PDS5B: variants seen among roughly 807,000 people sequenced by gnomAD.
PDS5B encodes the protein PDS5 cohesin associated factor B.
A neutral mutation model predicts 184.1 loss-of-function variants in PDS5B; 51 were observed. The ratio of observed to expected loss-of-function variants is 0.28; its 90% CI spans 0.22 to 0.35. The LOEUF is 0.35. PDS5B is among the 10% of genes least tolerant of loss of function. The pLI is 1.00. For missense variants in PDS5B, 1,180 were observed against 1,723.3 expected (o/e 0.68, Z 5.58); for synonymous variants, 566 against 569.2 (o/e 0.99, Z 0.08).
chr13:32,674,307 C>T (rs1282210759), intron 8 of PDS5B, among the ~76,000 whole-genome samples: 1 of 152,022 alleles, frequency 6.6e-6, no homozygotes, highest in African/African-American at 2.4e-5. Flanking sequence ...TTTTGATTTT[C>T]TTTCAAAAAC....
At chr13:32,672,671 A>G (rs557732960) in intron 7 of PDS5B, among the ~76,000 whole-genome samples, 7 of 152,278 alleles carry the variant, frequency 4.6e-5, no homozygotes, top group African/African-American at 1.2e-4. Context: ...CTGCTGTCCA[A>G]GGATAGGAGA....
intron 12 of PDS5B, 71 bp downstream of exon 12, chr13:32,687,356 A>G: frequency 8.3e-7 from 1 of 1,198,222 alleles, no homozygotes; most frequent in Non-Finnish European, 1.2e-6. Context: ...TTTTATGCAA[A>G]CTATTTTCTT....
chr13:32,735,094 A>G (rs1455006221), intron 20 of PDS5B, 78 bp from the exon 21 acceptor site: 4 of 841,568 alleles, frequency 4.8e-6, no homozygotes, highest in Non-Finnish European at 6.9e-6. Context: ...TAAATTTTGT[A>G]ATTTGAAAAT....
intron 1 of PDS5B, among the ~76,000 whole-genome samples, chr13:32,624,037 T>A (rs1248164340): frequency 6.6e-6 from 1 of 151,776 alleles, no homozygotes; most frequent in Non-Finnish European, 1.5e-5. Context: ...TTCCTTTTTT[T>A]TAAAAAAAAA....
At chr13:32,639,065 C>G (rs76846343) in intron 1 of PDS5B, among the ~76,000 whole-genome samples, 4 of 122,258 alleles carry the variant, frequency 3.3e-5, no homozygotes, top group South Asian at 3.0e-4. Context: ...AATGGGATAT[C>G]GAGTTGACTA....
intron 21 of PDS5B, among the ~76,000 whole-genome samples, chr13:32,740,229 A>G (rs1244859428): frequency 6.6e-6 from 1 of 152,178 alleles, no homozygotes; most frequent in Admixed American, 6.5e-5. Context: ...AGAAATCTGA[A>G]GTTAATCTTT....
rs182949620 is a variant in PDS5B, at chr13:32,600,587, A to G, written c.-20+13994A>G. Among the ~76,000 whole-genome samples the G allele has an allele frequency of 4.9e-3, 740 of 152,312 alleles. 4 individuals are homozygous for G. Among genetic ancestry groups the G allele is most frequent in the Middle Eastern group, 6.8e-3 (2 of 294 alleles). On this transcript the variant is annotated intron_variant, in intron 1 of 34. Coordinates refer to ENST00000315596, the MANE Select transcript of PDS5B (RefSeq NM_015032.4). ...AAAACCCTGTCTCTACAAAAATACAAAGATGAGCCGGTGTGATGGCAGGCG... is the reference window on the plus strand; with the variant it reads ...AAAACCCTGTCTCTACAAAAATACAGAGATGAGCCGGTGTGATGGCAGGCG...
At position 32,718,173 on chromosome 13, in the gene PDS5B, C is replaced by T. The variant is rs184859602; in HGVS notation, c.2123+8067C>T. ...CTTCTGAATTTTTTTTTTTTTGAGA[C>T]GGAGTCTCGCTCTGTCGCCCAGGCT... On this transcript the variant is annotated intron_variant, in intron 19 of 34. Coordinates refer to ENST00000315596, the MANE Select transcript of PDS5B (RefSeq NM_015032.4). Among the ~76,000 whole-genome samples, 1,258 of 147,474 alleles carry T rather than the reference C, an allele frequency of 8.5e-3. 18 individuals carry two copies. The highest frequency in any genetic ancestry group is 0.029 in the African/African-American group (1,175 of 40,258).
rs139650571 is a variant in PDS5B, at chr13:32,718,779, A to C, written c.2123+8673A>C. On this transcript the variant is annotated intron_variant, in intron 19 of 34. Transcript: ENST00000315596. Reference sequence around the variant, plus strand: ...GCCAAAATGAGTATGTAAAAATCCAAAGTTTTCTGTATATAACCAACAATC... The same window carrying C: ...GCCAAAATGAGTATGTAAAAATCCACAGTTTTCTGTATATAACCAACAATC... 3.4e-4 allele frequency among the ~76,000 whole-genome samples: 52 copies of C among 152,336 alleles called. 1 individual carries two copies. The East Asian group carries it at 9.4e-3, about 28-fold the overall frequency.
rs75297247 is a variant in PDS5B, at chr13:32,777,694, T to C, written c.*2642T>C. The C allele has an allele frequency of 0.047, 7,115 of 152,458 alleles. 470 individuals are homozygous for C. Among genetic ancestry groups the C allele is most frequent in the African/African-American group, 0.15 (6,312 of 41,524 alleles). The allele number at this position is 152,458 out of a possible 1,614,324, so 9.4% of individuals were successfully genotyped here. A position where few individuals can be genotyped will look rare whatever the true frequency, so the allele number is the denominator to read the frequency against. On this transcript the variant is annotated 3_prime_UTR_variant, in exon 35 of 35. Transcript: ENST00000315596. ...CAAATTTGTTTAATCTACATTATAA[T>C]AAAATTTCTTGCTGCAGTGCAACAG...
chr13:32,767,182 G>A (rs1414362511), intron 31 of PDS5B, among the ~76,000 whole-genome samples: 1 of 152,044 alleles, frequency 6.6e-6, no homozygotes, highest in Non-Finnish European at 1.5e-5. Context: ...ATGCCAAGAG[G>A]ACATAAATAA....
intron 1 of PDS5B, among the ~76,000 whole-genome samples, chr13:32,640,230 T>C (rs1388025635): frequency 1.3e-5 from 2 of 152,226 alleles, no homozygotes; most frequent in Non-Finnish European, 2.9e-5. Context: ...AAAAAAACTT[T>C]AGTATTAGAA....
Position 32,773,223 on chromosome 13 carries a change from G to A in PDS5B, c.4207G>A (p.Glu1403Lys). 2.5e-6 allele frequency: 4 copies of A among 1,613,174 alleles called. No individual in the cohort carries two copies. The highest frequency in any genetic ancestry group is 3.4e-6 in the Non-Finnish European group (4 of 1,179,540). ...VGRSKQAATK[E>K]NDSSEEVDVF... ...ACGCTCCAAACAAGCAGCTACTAAG[G>A]AAAATGATTCAAGTGAAGAAGTAGA... The change falls in exon 34 of 35, where the codon GAA becomes AAA. Residue 1403 changes from glutamate to lysine, a missense_variant. Coordinates refer to ENST00000315596, the MANE Select transcript of PDS5B (RefSeq NM_015032.4).
At chr13:32,761,314 G>T (rs867187604) in intron 30 of PDS5B, among the ~76,000 whole-genome samples, 4 of 151,776 alleles carry the variant, frequency 2.6e-5, no homozygotes, top group Non-Finnish European at 5.9e-5. Context: ...TATAAACTTC[G>T]TTTTTTTAAA....
At chr13:32,632,085 A>T (rs189906912) in intron 1 of PDS5B, among the ~76,000 whole-genome samples, 1 of 152,352 alleles carries the variant, frequency 6.6e-6, no homozygotes, top group African/African-American at 2.4e-5. Flanking sequence ...AATGATGTAA[A>T]TGTAAGATTT....
rs1955001998 is a variant in PDS5B at position 32,777,976 on chromosome 13, C to T, written c.*2924C>T. On this transcript the variant is annotated 3_prime_UTR_variant, in exon 35 of 35. Transcript: ENST00000315596. ...TTTAAATAGATAACCAATTTTCAGA[C>T]ACATTTTTGGATTTCTGTGAAGTTG... 1 of 152,356 alleles carries T rather than the reference C, an allele frequency of 6.6e-6. No individual in the cohort carries two copies. Among genetic ancestry groups the T allele is most frequent in the East Asian group, 1.9e-4 (1 of 5,202 alleles). 9.4% of individuals were successfully genotyped at this position (152,356 alleles called of 1,614,324 possible).
At chr13:32,755,077 A>G (rs1248420168) in intron 25 of PDS5B, among the ~76,000 whole-genome samples, 3 of 152,192 alleles carry the variant, frequency 2.0e-5, no homozygotes, top group Admixed American at 6.5e-5. Context: ...AGATTTAGCA[A>G]TAGAAATAAA....
intron 1 of PDS5B, among the ~76,000 whole-genome samples, chr13:32,594,250 A>G (rs968765324): frequency 4.6e-5 from 7 of 150,768 alleles, no homozygotes; most frequent in Non-Finnish European, 1.0e-4. Flanking sequence ...ACAGTAAAAA[A>G]GCAGTTATAA....
At position 32,746,190 on chromosome 13, in the gene PDS5B, T is replaced by G. The variant is rs1341427884; in HGVS notation, c.2736+90T>G. The G allele has an allele frequency of 9.3e-6, 10 of 1,072,766 alleles. No individual in the cohort carries two copies. In the East Asian group the frequency reaches 2.2e-4, roughly 23 times the overall value. The allele number at this position is 1,072,766 out of a possible 1,614,324, so 66.5% of individuals were successfully genotyped here. On this transcript the variant is annotated intron_variant, in intron 24 of 34. Coordinates refer to ENST00000315596, the MANE Select transcript of PDS5B (RefSeq NM_015032.4). ...CACTGTGATACATAGATTAAAATCT[T>G]GAATGTGTATGGTTTGTTTGTTTCT...
Sources: allele counts gnomAD v4.1 joint callset (sites outside exome capture counted in the v4.1 genomes callset), GRCh38; gene constraint gnomAD v4.1.1; transcripts MANE v1.5; gene names NCBI Gene and HGNC (gene_info 2026-07-23, HGNC 2026-07-21).